Variants in DPY19L1 observed in about 807,000 individuals in gnomAD.
The protein encoded by DPY19L1 is dpy-19 like C-mannosyltransferase 1.
Under a neutral mutation model 96.9 loss-of-function variants are expected in DPY19L1, and 35 were observed. The ratio of observed to expected loss-of-function variants is 0.36; its 90% CI spans 0.28 to 0.48. The LOEUF is 0.48. Ranked by LOEUF, DPY19L1 falls within the 20% of genes least tolerant of loss-of-function variation. The pLI is 0.99. For missense variants in DPY19L1, 521 were observed against 777.9 expected (o/e 0.67, Z 3.93); for synonymous variants, 205 against 252.6 (o/e 0.81, Z 1.79).
chr7:34,932,951 C>T (rs547887035), intron 21 of DPY19L1, among the ~76,000 whole-genome samples: 42 of 152,196 alleles, frequency 2.8e-4, no homozygotes, highest in African/African-American at 8.9e-4. Flanking sequence ...AGGCAAACAC[C>T]GTAGCAGGTA....
At chr7:34,942,663 C>G in intron 16 of DPY19L1, 24 bp from the exon 17 acceptor site, 1 of 1,582,664 alleles carries the variant, frequency 6.3e-7, no homozygotes, top group Non-Finnish European at 8.6e-7. Flanking sequence ...AAATATATTG[C>G]CATCAATTCA....
intron 8 of DPY19L1, among the ~76,000 whole-genome samples, chr7:34,970,141 G>A (rs1784694013): frequency 6.6e-6 from 1 of 152,150 alleles, no homozygotes; most frequent in Admixed American, 6.5e-5. Context: ...CTCTAAACCT[G>A]TGAGCCAACG....
chr7:34,964,327 C>A (rs2128666385), intron 10 of DPY19L1, among the ~76,000 whole-genome samples: 1 of 152,258 alleles, frequency 6.6e-6, no homozygotes, highest in African/African-American at 2.4e-5. Flanking sequence ...TCAAGGCCCT[C>A]AGCCATAGTT....
At chr7:34,958,835 G>A (rs1784431377) in intron 10 of DPY19L1, among the ~76,000 whole-genome samples, 1 of 152,084 alleles carries the variant, frequency 6.6e-6, no homozygotes, top group South Asian at 2.1e-4. Flanking sequence ...TCTTTTAATA[G>A]TAGATGAGAC....
At position 34,940,135 on chromosome 7, in the gene DPY19L1, T is replaced by C. The variant is rs745386780; in HGVS notation, c.1864+18A>G. The stretch of plus-strand genomic sequence containing the variant: ...CAGCTAAATAATATGACTTTTTTTT[T>C]CTTTTTTTTTTTTTTACCTGGTTTA... On this transcript the variant is annotated intron_variant, in intron 19 of 21. Coordinates refer to ENST00000638088, the MANE Select transcript of DPY19L1 (RefSeq NM_001366673.1). 27 of 1,431,986 alleles carry C rather than the reference T, an allele frequency of 1.9e-5. No individual in the cohort carries two copies. Among genetic ancestry groups the C allele is most frequent in the South Asian group, 8.6e-5 (6 of 69,426 alleles). 88.7% of individuals were successfully genotyped at this position (1,431,986 alleles called of 1,614,324 possible). A position where few individuals can be genotyped will look rare whatever the true frequency, so the allele number is the denominator to read the frequency against.
chr7:34,966,188 T>C (rs752924303), intron 10 of DPY19L1, among the ~76,000 whole-genome samples: 3 of 152,124 alleles, frequency 2.0e-5, no homozygotes, highest in Non-Finnish European at 2.9e-5. Flanking sequence ...CCATTTACTA[T>C]GTTTATTATT....
At chr7:34,966,596 A>G (rs180994826) in intron 10 of DPY19L1, among the ~76,000 whole-genome samples, 107 of 152,236 alleles carry the variant, frequency 7.0e-4, no homozygotes, top group Non-Finnish European at 1.1e-3. Context: ...GGGCCCTTCT[A>G]CTTCATTTTA....
At chr7:34,976,164 G>T (rs1784825989) in intron 7 of DPY19L1, among the ~76,000 whole-genome samples, 1 of 152,194 alleles carries the variant, frequency 6.6e-6, no homozygotes, top group Admixed American at 6.5e-5. Flanking sequence ...TTCTGGAGTG[G>T]ATTAACTATT....
intron 10 of DPY19L1, among the ~76,000 whole-genome samples, chr7:34,966,543 G>C (rs1368555745): frequency 6.6e-6 from 1 of 152,098 alleles, no homozygotes; most frequent in Non-Finnish European, 1.5e-5. Flanking sequence ...CCCCACCTTG[G>C]CCTCTCAAAA....
intron 7 of DPY19L1, among the ~76,000 whole-genome samples, chr7:34,980,858 G>C (rs1175449189): frequency 6.6e-6 from 1 of 152,176 alleles, no homozygotes; most frequent in Non-Finnish European, 1.5e-5. Context: ...GTGAAAACTG[G>C]TACAAGCACT....
rs1172260007 is a variant in DPY19L1, at chr7:34,977,111, T to C, written c.823-3506A>G. On this transcript the variant is annotated intron_variant, in intron 7 of 21. Transcript: ENST00000638088. Reference sequence around the variant, plus strand: ...TATGTACATTGTTTTTTAGACATAATGCTATTTCACACTTAATAGACTATA... The same window carrying C: ...TATGTACATTGTTTTTTAGACATAACGCTATTTCACACTTAATAGACTATA... Among the ~76,000 whole-genome samples the C allele has an allele frequency of 2.0e-5, 3 of 152,208 alleles. No homozygotes were observed. In the East Asian group the frequency reaches 5.8e-4, roughly 29 times the overall value.
chr7:34,970,892 G>T (rs1784712680), intron 8 of DPY19L1, among the ~76,000 whole-genome samples: 1 of 150,590 alleles, frequency 6.6e-6, no homozygotes, highest in African/African-American at 2.4e-5. Context: ...GCTAAGCTGT[G>T]CTACTATTAG....
chr7:34,985,149 T>C (rs766258821), intron 7 of DPY19L1, among the ~76,000 whole-genome samples: 27 of 152,274 alleles, frequency 1.8e-4, no homozygotes, highest in Admixed American at 5.2e-4. Context: ...AGATAAATTA[T>C]AGTGATGTCT....
intron 1 of DPY19L1, among the ~76,000 whole-genome samples, chr7:35,033,892 G>A (rs1786323853): frequency 6.6e-6 from 1 of 151,874 alleles, no homozygotes. Flanking sequence ...TCACTACTGG[G>A]GAGATACCAG....
At chr7:34,937,734 G>A (rs1210666740) in intron 21 of DPY19L1, among the ~76,000 whole-genome samples, 2 of 152,092 alleles carry the variant, frequency 1.3e-5, no homozygotes, top group Non-Finnish European at 2.9e-5. Flanking sequence ...AGGAGTTTGA[G>A]ACCAGCCTGG....
At chr7:35,000,782 T>C (rs955095185) in intron 6 of DPY19L1, 23 of 152,244 alleles carry the variant, frequency 1.5e-4, no homozygotes, top group African/African-American at 5.3e-4. Flanking sequence ...TCCTTCTTAG[T>C]GTCATGTATC....
At chr7:34,936,195 A>G (rs1783864372) in intron 21 of DPY19L1, among the ~76,000 whole-genome samples, 1 of 152,176 alleles carries the variant, frequency 6.6e-6, no homozygotes, top group East Asian at 1.9e-4. Flanking sequence ...TAGTGTGCAA[A>G]GTTTATTGCC....
chr7:35,032,260 C>T (rs1786277547), intron 1 of DPY19L1, among the ~76,000 whole-genome samples: 1 of 152,138 alleles, frequency 6.6e-6, no homozygotes, highest in African/African-American at 2.4e-5. Context: ...TAGTTAAGAG[C>T]ATGAACTTAG....
chr7:35,015,094 A>C (rs1785810973), intron 3 of DPY19L1, among the ~76,000 whole-genome samples: 1 of 152,194 alleles, frequency 6.6e-6, no homozygotes, highest in Non-Finnish European at 1.5e-5. Context: ...GTTTTAAGCC[A>C]CCTAGCTTGT....
Sources: allele counts gnomAD v4.1 joint callset (sites outside exome capture counted in the v4.1 genomes callset), GRCh38; gene constraint gnomAD v4.1.1; transcripts MANE v1.5; gene names NCBI Gene and HGNC (gene_info 2026-07-23, HGNC 2026-07-21).